Variants in AGBL3 observed in about 807,000 individuals in gnomAD.
AGBL3 encodes the protein AGBL carboxypeptidase 3.
Under a neutral mutation model 94.5 loss-of-function variants are expected in AGBL3, and 68 were observed. The ratio of observed to expected loss-of-function variants is 0.72; its 90% CI spans 0.59 to 0.88. The LOEUF is 0.88. Ranked by LOEUF, AGBL3 falls within the 40% of genes least tolerant of loss-of-function variation. AGBL3 has a pLI of 0.00. For synonymous variants in AGBL3, 354 were observed against 370.7 expected (o/e 0.95, Z 0.52); for missense variants, 934 against 1,103.8 (o/e 0.85, Z 2.18).
At chr7:135,005,334 G>A (rs4236652) in intron 4 of AGBL3, among the ~76,000 whole-genome samples, 140,705 of 151,768 alleles carry the variant, frequency 0.93, 66,078 homozygotes, top group Non-Finnish European at 1. Flanking sequence ...TAATCTAAAC[G>A]CATACCACAA....
chr7:135,016,960 GATCT>G (rs1435793227), intron 4 of AGBL3, 88 bp from the exon 5 acceptor site: 19 of 824,368 alleles, frequency 2.3e-5, no homozygotes, highest in East Asian at 8.1e-5. Context: ...TTTTAGCCTA[GATCT>G]ATCAATGAAT....
chr7:135,029,083 T>C (rs890578143), intron 5 of AGBL3, among the ~76,000 whole-genome samples: 2 of 152,224 alleles, frequency 1.3e-5, no homozygotes, highest in African/African-American at 4.8e-5. Flanking sequence ...GTTTTGTTTA[T>C]AGAGCACAGG....
At chr7:135,025,735 G>T (rs1815015423) in intron 5 of AGBL3, among the ~76,000 whole-genome samples, 1 of 151,454 alleles carries the variant, frequency 6.6e-6, no homozygotes, top group Admixed American at 6.6e-5. Flanking sequence ...CAAAGTAAAG[G>T]GTTGGAGAAA....
In AGBL3 at chr7:135,085,063, T is replaced by C. The variant is rs140918393; in HGVS notation, c.2110+3273T>C. Reference sequence around the variant, plus strand: ...TAACAGATATGAGACCATATCTCCTTGTGGTTTTAATTTGCATATCTCTGA... The same window carrying C: ...TAACAGATATGAGACCATATCTCCTCGTGGTTTTAATTTGCATATCTCTGA... On this transcript the variant is annotated intron_variant, in intron 15 of 16. Transcript: ENST00000436302. 8.5e-5 allele frequency among the ~76,000 whole-genome samples: 13 copies of C among 152,284 alleles called. No individual in the cohort carries two copies. The East Asian group carries it at 1.7e-3, about 20-fold the overall frequency.
At chr7:134,994,092 G>GTTT (rs1554488848) in intron 4 of AGBL3, among the ~76,000 whole-genome samples, 9 of 152,140 alleles carry the variant, frequency 5.9e-5, no homozygotes, top group Non-Finnish European at 4.4e-5. Context: ...AGGGCATGAC[G>GTTT]GTGTCCCAGG....
At chr7:135,022,177 A>C (rs1814573495) in intron 5 of AGBL3, among the ~76,000 whole-genome samples, 1 of 152,216 alleles carries the variant, frequency 6.6e-6, no homozygotes, top group Admixed American at 6.5e-5. Flanking sequence ...CTTTGGGTAT[A>C]TACCCAGTAA....
At chr7:135,070,450 G>C (rs1819789597) in intron 12 of AGBL3, among the ~76,000 whole-genome samples, 1 of 152,164 alleles carries the variant, frequency 6.6e-6, no homozygotes, top group African/African-American at 2.4e-5. Flanking sequence ...CAATATCCTT[G>C]ATGAACATTG....
At chr7:135,044,648 G>C (rs1563212422) in intron 9 of AGBL3, among the ~76,000 whole-genome samples, 1 of 152,020 alleles carries the variant, frequency 6.6e-6, no homozygotes, top group African/African-American at 2.4e-5. Flanking sequence ...CACATTATCA[G>C]AAAAATGTAT....
intron 11 of AGBL3, chr7:135,051,069 G>T (rs1203136973): frequency 2.3e-6 from 1 of 432,424 alleles, no homozygotes. Flanking sequence ...ATAATAAAAG[G>T]TAATGAATAA....
chr7:135,107,351 A>T (rs1394855423), intron 15 of AGBL3, among the ~76,000 whole-genome samples: 2 of 152,144 alleles, frequency 1.3e-5, no homozygotes, highest in Non-Finnish European at 2.9e-5. Context: ...ATGGGCATTT[A>T]GTGATATAAA....
chr7:135,031,067 AT>A (rs541054622), intron 5 of AGBL3, among the ~76,000 whole-genome samples: 35 of 150,202 alleles, frequency 2.3e-4, no homozygotes, highest in African/African-American at 7.8e-4. Context: ...TTATCTTTTC[AT>A]TTTTTGTCTT....
intron 13 of AGBL3, among the ~76,000 whole-genome samples, 168 bp downstream of exon 13, chr7:135,076,636 G>C (rs943255283): frequency 2.6e-4 from 40 of 152,164 alleles, no homozygotes; most frequent in Non-Finnish European, 1.3e-4. Context: ...TGACAGATGA[G>C]AGGTGGGCCT....
At chr7:135,130,067 AGACATTCT>A (rs906979042) in intron 16 of AGBL3, among the ~76,000 whole-genome samples, 69 of 152,272 alleles carry the variant, frequency 4.5e-4, no homozygotes, top group African/African-American at 1.5e-3. Context: ...CTTCCCTCTA[AGACATTCT>A]GTTGGAGTTC....
intron 4 of AGBL3, among the ~76,000 whole-genome samples, chr7:135,005,446 G>A (rs1227848415): frequency 6.6e-6 from 1 of 151,596 alleles, no homozygotes; most frequent in Non-Finnish European, 1.5e-5. Flanking sequence ...CAATGTTGAT[G>A]AAGTAAATAA....
intron 6 of AGBL3, among the ~76,000 whole-genome samples, chr7:135,033,186 G>A (rs982967760): frequency 1.3e-5 from 2 of 152,128 alleles, no homozygotes; most frequent in African/African-American, 4.8e-5. Flanking sequence ...GTAAAGTTAA[G>A]AAGGCTTCTG....
intron 5 of AGBL3, among the ~76,000 whole-genome samples, chr7:135,025,936 C>T (rs1438330037): frequency 6.6e-6 from 1 of 151,510 alleles, no homozygotes; most frequent in Non-Finnish European, 1.5e-5. Flanking sequence ...AAAAGTTCTT[C>T]TTGACCTATA....
At chr7:134,989,371 A>T in intron 3 of AGBL3, 61 bp downstream of exon 3, 1 of 1,170,998 alleles carries the variant, frequency 8.5e-7, no homozygotes. Flanking sequence ...AAAAAAGAAG[A>T]TGAGGAAACT....
chr7:135,066,210 T>C (rs1819283691), intron 12 of AGBL3, among the ~76,000 whole-genome samples: 1 of 152,024 alleles, frequency 6.6e-6, no homozygotes, highest in South Asian at 2.1e-4. Flanking sequence ...TAGAAGAAAA[T>C]ACTTGCAAAT....
chr7:135,016,436 TA>T (rs1028957587), intron 4 of AGBL3, among the ~76,000 whole-genome samples: 116 of 146,626 alleles, frequency 7.9e-4, no homozygotes, highest in East Asian at 4.9e-3. Context: ...CTTCGTTCAT[TA>T]AAAAAAAAAA....
Sources: gnomAD v4.1 joint callset for allele counts (sites outside exome capture counted in the v4.1 genomes callset) on GRCh38, gnomAD v4.1.1 for gene constraint, MANE v1.5 for transcripts, NCBI Gene and HGNC (gene_info 2026-07-23, HGNC 2026-07-21) for gene names.